The following MYO3B variants were observed in gnomAD, a reference collection of about 807,000 sequenced individuals.
MYO3B encodes the protein myosin-IIIb.
In MYO3B, 156 loss-of-function variants were observed where a neutral mutation model predicts 174.6. The observed-to-expected ratio is 0.89, with a 90% CI of 0.78 to 1.02. The LOEUF (loss-of-function observed/expected upper bound fraction) is 1.02. MYO3B is among the 50% of genes least tolerant of loss of function. MYO3B has a pLI of 0.00. For missense variants in MYO3B, 1,632 were observed against 1,639.4 expected, an observed-to-expected ratio of 1.00 and a Z score of 0.08; for synonymous variants, 563 against 569.1, an observed-to-expected ratio of 0.99 and a Z score of 0.15.
At chr2:170,448,575 G>A (rs761305914) in intron 23 of MYO3B, among the ~76,000 whole-genome samples, 1 of 152,168 alleles carries the variant, frequency 6.6e-6, no homozygotes, top group East Asian at 1.9e-4. Context: ...TGACAAGGGT[G>A]TTAGTATCCT....
chr2:170,650,575 G>A (rs1236039288), intron 32 of MYO3B, among the ~76,000 whole-genome samples: 1 of 151,152 alleles, frequency 6.6e-6, no homozygotes, highest in Admixed American at 6.6e-5. Flanking sequence ...TGTGTGTGTT[G>A]CCAAGAAATT....
intron 25 of MYO3B, among the ~76,000 whole-genome samples, chr2:170,478,060 A>G (rs1685422976): frequency 1.3e-5 from 2 of 152,222 alleles, no homozygotes; most frequent in Non-Finnish European, 1.5e-5. Flanking sequence ...ATGAATGGCT[A>G]AGGCAGCCAC....
At chr2:170,297,228 A>G (rs969779814) in intron 7 of MYO3B, among the ~76,000 whole-genome samples, 2 of 152,144 alleles carry the variant, frequency 1.3e-5, no homozygotes, top group Admixed American at 6.6e-5. Context: ...TCACCTTAGA[A>G]AAAGATTTTT....
At chr2:170,272,158 G>A (rs2093430011) in intron 7 of MYO3B, among the ~76,000 whole-genome samples, 1 of 151,050 alleles carries the variant, frequency 6.6e-6, no homozygotes, top group African/African-American at 2.4e-5. Flanking sequence ...TGAACCGATA[G>A]CATCGGCATC....
chr2:170,524,975 C>T (rs939486051), intron 30 of MYO3B, among the ~76,000 whole-genome samples: 5 of 152,176 alleles, frequency 3.3e-5, no homozygotes, highest in African/African-American at 1.2e-4. Flanking sequence ...TCTACTGCCT[C>T]TCAAGGCTCC....
intron 34 of MYO3B, 61 bp from the exon 35 acceptor site, chr2:170,652,922 G>A (rs1292895164): frequency 6.3e-7 from 1 of 1,598,034 alleles, no homozygotes; most frequent in Non-Finnish European, 8.6e-7. Flanking sequence ...AGCTGCCCCA[G>A]TGATGATTGT....
At chr2:170,247,736 T>G (rs915324882) in intron 7 of MYO3B, among the ~76,000 whole-genome samples, 3 of 152,166 alleles carry the variant, frequency 2.0e-5, no homozygotes, top group Non-Finnish European at 4.4e-5. Context: ...GGGGAAAGCA[T>G]GAGGGGGTCT....
At chr2:170,571,152 A>T (rs188027099) in intron 32 of MYO3B, among the ~76,000 whole-genome samples, 122 of 152,350 alleles carry the variant, frequency 8.0e-4, no homozygotes, top group African/African-American at 2.8e-3. Context: ...TTTTTGAGCA[A>T]GAGCAACTAA....
intron 32 of MYO3B, among the ~76,000 whole-genome samples, chr2:170,573,096 G>A (rs1692547780): frequency 6.6e-6 from 1 of 151,828 alleles, no homozygotes; most frequent in African/African-American, 2.4e-5. Context: ...CTGTCTTCTA[G>A]AGAGAGTCTC....
chr2:170,557,208 C>T (rs1691382424), intron 32 of MYO3B, among the ~76,000 whole-genome samples: 1 of 148,502 alleles, frequency 6.7e-6, no homozygotes, highest in Admixed American at 6.8e-5. Flanking sequence ...GGCACGATCT[C>T]GGCTCACTGC....
At chr2:170,328,721 C>T (rs775385559) in intron 7 of MYO3B, among the ~76,000 whole-genome samples, 1 of 151,936 alleles carries the variant, frequency 6.6e-6, no homozygotes, top group East Asian at 1.9e-4. Context: ...CCTATAGTTA[C>T]CCACTCTGTG....
chr2:170,359,043 T>C (rs905486204), intron 8 of MYO3B, among the ~76,000 whole-genome samples: 4 of 152,150 alleles, frequency 2.6e-5, no homozygotes, highest in Non-Finnish European at 4.4e-5. Flanking sequence ...CTACAGGCAA[T>C]GAAACAGAAT....
chr2:170,235,956 G>A, intron 6 of MYO3B, 35 bp from the exon 7 acceptor site: 1 of 1,612,616 alleles, frequency 6.2e-7, no homozygotes, highest in Non-Finnish European at 8.5e-7. Context: ...TGTGGCAGTA[G>A]GGTTGATGTG....
chr2:170,444,111 T>C lies in MYO3B; in HGVS notation c.2730+65T>C, dbSNP rs895511506. 14 of 1,412,344 alleles carry C rather than the reference T, an allele frequency of 9.9e-6. 1 individual carries two copies. The highest frequency in any genetic ancestry group is 1.7e-5 in the Admixed American group (1 of 59,344). 87.5% of individuals were successfully genotyped at this position (1,412,344 alleles called of 1,614,324 possible). On this transcript the variant is annotated intron_variant, in intron 23 of 34. Transcript: ENST00000408978. ...AGGTACTCTTGACCCAGGGATAATC[T>C]TAGAGTGGGCAGCATTAGTTCCCTT...
At chr2:170,450,474 A>C (rs1283738324) in intron 23 of MYO3B, among the ~76,000 whole-genome samples, 1 of 152,120 alleles carries the variant, frequency 6.6e-6, no homozygotes, top group African/African-American at 2.4e-5. Flanking sequence ...AAAGACCTGT[A>C]CTCTGATAGA....
At chr2:170,518,020 TA>T (rs1688433225) in intron 29 of MYO3B, among the ~76,000 whole-genome samples, 1 of 151,862 alleles carries the variant, frequency 6.6e-6, no homozygotes, top group South Asian at 2.1e-4. Flanking sequence ...TGTGTAATAA[TA>T]AAAATTGTAT....
At chr2:170,618,539 G>A (rs904631807) in intron 32 of MYO3B, among the ~76,000 whole-genome samples, 1 of 152,142 alleles carries the variant, frequency 6.6e-6, no homozygotes, top group Admixed American at 6.5e-5. Flanking sequence ...GCATCTTCAG[G>A]ATCTGGTCAG....
intron 1 of MYO3B, among the ~76,000 whole-genome samples, chr2:170,198,983 T>C (rs1246822174): frequency 6.6e-6 from 1 of 152,208 alleles, no homozygotes; most frequent in African/African-American, 2.4e-5. Flanking sequence ...TTTAGAATCA[T>C]GTTTTTAGGA....
intron 25 of MYO3B, among the ~76,000 whole-genome samples, chr2:170,478,004 C>T (rs1308963540): frequency 6.6e-6 from 1 of 152,078 alleles, no homozygotes; most frequent in Non-Finnish European, 1.5e-5. Context: ...GGCTATTGCC[C>T]CTTCAACTAT....
Sources: allele counts gnomAD v4.1 joint callset (sites outside exome capture counted in the v4.1 genomes callset), GRCh38; gene constraint gnomAD v4.1.1; transcripts MANE v1.5; gene names NCBI Gene and HGNC (gene_info 2026-07-23, HGNC 2026-07-21).